SLC9A9: variants seen among roughly 807,000 people sequenced by gnomAD.
SLC9A9 encodes the protein solute carrier family 9 member A9, also known as sodium/hydrogen exchanger 9.
A neutral mutation model predicts 77.8 loss-of-function variants in SLC9A9; 62 were observed. That is an observed-to-expected ratio of 0.80 (90% CI 0.65 to 0.98). The LOEUF (loss-of-function observed/expected upper bound fraction) is 0.98. Ranked by LOEUF, SLC9A9 falls within the 50% of genes least tolerant of loss-of-function variation. The pLI is 0.00. For synonymous variants in SLC9A9, 320 were observed against 283.5 expected (o/e 1.13, Z -1.29); for missense variants, 775 against 774.9 (o/e 1.00, Z 0.00).
At chr3:143,319,103 C>T (rs1402055773) in intron 14 of SLC9A9, among the ~76,000 whole-genome samples, 2 of 152,272 alleles carry the variant, frequency 1.3e-5, no homozygotes, top group East Asian at 3.9e-4. Context: ...GAAGTGGCAG[C>T]TAATACAATA....
intron 14 of SLC9A9, among the ~76,000 whole-genome samples, chr3:143,312,902 A>T (rs980668012): frequency 2.0e-5 from 3 of 152,200 alleles, no homozygotes; most frequent in Non-Finnish European, 4.4e-5. Context: ...CATCCCCAAG[A>T]ACATACTCTT....
At chr3:143,718,889 T>G (rs1934424061) in intron 4 of SLC9A9, among the ~76,000 whole-genome samples, 1 of 152,224 alleles carries the variant, frequency 6.6e-6, no homozygotes, top group Admixed American at 6.5e-5. Context: ...AGTTTAGCTC[T>G]AAGCATTCCT....
chr3:143,477,531 G>A (rs376611356), intron 11 of SLC9A9, among the ~76,000 whole-genome samples: 75 of 151,994 alleles, frequency 4.9e-4, no homozygotes, highest in African/African-American at 1.4e-3. Flanking sequence ...TTCTGAAGTC[G>A]TAAGATGGAA....
intron 4 of SLC9A9, among the ~76,000 whole-genome samples, chr3:143,762,198 G>A (rs1486249850): frequency 6.6e-6 from 1 of 152,130 alleles, no homozygotes; most frequent in Non-Finnish European, 1.5e-5. Flanking sequence ...TCGTGGGGTT[G>A]GGGGAGGGGG....
intron 14 of SLC9A9, among the ~76,000 whole-genome samples, chr3:143,349,894 C>A (rs973127892): frequency 6.6e-6 from 1 of 152,118 alleles, no homozygotes. Flanking sequence ...ATGAGAGAGC[C>A]ACTCAGAGAA....
chr3:143,626,463 G>T (rs1159357725), intron 6 of SLC9A9, among the ~76,000 whole-genome samples: 1 of 152,176 alleles, frequency 6.6e-6, no homozygotes, highest in Non-Finnish European at 1.5e-5. Context: ...CATATCCTTT[G>T]TAGGGACATG....
intron 14 of SLC9A9, among the ~76,000 whole-genome samples, chr3:143,357,652 T>C (rs2032629762): frequency 6.6e-6 from 1 of 152,138 alleles, no homozygotes; most frequent in African/African-American, 2.4e-5. Context: ...ATTGCTTAGG[T>C]GACACAGCCT....
In SLC9A9 at chr3:143,719,937, C is replaced by T. The variant is rs1015702436; in HGVS notation, c.534-26630G>A. ...GCTTCCTCCTGGAAAACTGCTCCCA[C>T]GATTGCTCCCACTATTGAGTAAATG... On this transcript the variant is annotated intron_variant, in intron 4 of 15. Coordinates refer to ENST00000316549, the MANE Select transcript of SLC9A9 (RefSeq NM_173653.4). Among the ~76,000 whole-genome samples the T allele has an allele frequency of 4.6e-5, 7 of 152,186 alleles. No homozygotes were observed. The South Asian group carries it at 6.2e-4, about 14-fold the overall frequency.
intron 11 of SLC9A9, among the ~76,000 whole-genome samples, chr3:143,482,399 C>T (rs191256621): frequency 4.3e-4 from 65 of 152,210 alleles, no homozygotes; most frequent in African/African-American, 1.3e-3. Context: ...GACATTTTAC[C>T]GGTTAAAACT....
At chr3:143,287,997 T>C (rs1938428129) in intron 14 of SLC9A9, among the ~76,000 whole-genome samples, 1 of 152,202 alleles carries the variant, frequency 6.6e-6, no homozygotes, top group Admixed American at 6.5e-5. Flanking sequence ...TTGATCAATT[T>C]GTTTTTATTC....
At chr3:143,301,782 G>GT (rs1457369528) in intron 14 of SLC9A9, among the ~76,000 whole-genome samples, 1 of 152,166 alleles carries the variant, frequency 6.6e-6, no homozygotes, top group Non-Finnish European at 1.5e-5. Flanking sequence ...TTCCCTTGGT[G>GT]TTTTTCAGTT....
At chr3:143,565,600 T>A (rs1442526630) in intron 8 of SLC9A9, among the ~76,000 whole-genome samples, 3 of 152,166 alleles carry the variant, frequency 2.0e-5, no homozygotes, top group Non-Finnish European at 4.4e-5. Flanking sequence ...TTTATTGAGA[T>A]GGCATCATTG....
At position 143,731,611 on chromosome 3, in the gene SLC9A9, A is replaced by G. The variant is rs112784424; in HGVS notation, c.534-38304T>C. On this transcript the variant is annotated intron_variant, in intron 4 of 15. Coordinates refer to ENST00000316549, the MANE Select transcript of SLC9A9 (RefSeq NM_173653.4). ...AATATCATGTATTCTTACTGTCAAT[A>G]TGGTATTGAATGTAGTGCCCCGTGA... 3.9e-5 allele frequency among the ~76,000 whole-genome samples: 6 copies of G among 152,302 alleles called. 1 individual carries two copies. The highest frequency in any genetic ancestry group is 1.2e-4 in the African/African-American group (5 of 41,568).
intron 12 of SLC9A9, among the ~76,000 whole-genome samples, chr3:143,401,157 T>G (rs1433122027): frequency 6.6e-6 from 1 of 152,176 alleles, no homozygotes; most frequent in Admixed American, 6.6e-5. Flanking sequence ...GGCAGGATAC[T>G]GGAAGGAGAG....
At chr3:143,821,205 T>C (rs1488809915) in intron 2 of SLC9A9, among the ~76,000 whole-genome samples, 1 of 152,260 alleles carries the variant, frequency 6.6e-6, no homozygotes, top group Non-Finnish European at 1.5e-5. Context: ...CACCAATCTT[T>C]CTCCATCACA....
chr3:143,760,269 C>T (rs533494724), intron 4 of SLC9A9, among the ~76,000 whole-genome samples: 1 of 152,178 alleles, frequency 6.6e-6, no homozygotes, highest in East Asian at 1.9e-4. Context: ...GGAAGCATTC[C>T]CTTTGAAAAC....
chr3:143,843,741 T>C (rs913628102), intron 1 of SLC9A9, among the ~76,000 whole-genome samples: 1 of 152,224 alleles, frequency 6.6e-6, no homozygotes, highest in African/African-American at 2.4e-5. Context: ...GAATTCTTAA[T>C]GCTGTCAGGG....
intron 12 of SLC9A9, among the ~76,000 whole-genome samples, chr3:143,400,546 A>C (rs556449477): frequency 1.5e-3 from 233 of 152,194 alleles, no homozygotes; most frequent in African/African-American, 5.4e-3. Flanking sequence ...AAAGGCTGGC[A>C]GGTGGGTGAG....
intron 6 of SLC9A9, among the ~76,000 whole-genome samples, chr3:143,645,330 C>T (rs886292070): frequency 6.6e-6 from 1 of 152,078 alleles, no homozygotes; most frequent in African/African-American, 2.4e-5. Context: ...ATAACCAAAC[C>T]CTATACATGT....
Sources: allele counts gnomAD v4.1 joint callset (sites outside exome capture counted in the v4.1 genomes callset), GRCh38; gene constraint gnomAD v4.1.1; transcripts MANE v1.5; gene names NCBI Gene and HGNC (gene_info 2026-07-23, HGNC 2026-07-21).